CPEB2: variants seen among roughly 807,000 people sequenced by gnomAD.
CPEB2 encodes cytoplasmic polyadenylation element binding protein 2.
Under a neutral mutation model 93.6 loss-of-function variants are expected in CPEB2, and 56 were observed. That is an observed-to-expected ratio of 0.60 (90% CI 0.48 to 0.75). The LOEUF is 0.75. CPEB2 is among the 30% of genes least tolerant of loss of function. The pLI is 0.00. For synonymous variants in CPEB2, 764 were observed against 586.3 expected (o/e 1.30, Z -4.38); for missense variants, 1,579 against 1,395.1 (o/e 1.13, Z -2.10).
At chr4:15,022,683 A>G (rs1724946896) in intron 4 of CPEB2, among the ~76,000 whole-genome samples, 1 of 152,106 alleles carries the variant, frequency 6.6e-6, no homozygotes, top group Non-Finnish European at 1.5e-5. Context: ...TATAGCAGCC[A>G]TATGTATTTT....
At chr4:15,005,265 A>G (rs961125925) in intron 1 of CPEB2, 1 of 152,246 alleles carries the variant, frequency 6.6e-6, no homozygotes, top group Non-Finnish European at 1.5e-5. Context: ...GTGGGTTTTA[A>G]GACAAAACTG....
intron 10 of CPEB2, 128 bp from the exon 11 acceptor site, chr4:15,061,951 T>G (rs2109106473): frequency 1.2e-6 from 1 of 848,280 alleles, no homozygotes; most frequent in South Asian, 2.1e-5. Flanking sequence ...CAACAGCCTC[T>G]TATCTGCCAT....
intron 10 of CPEB2, among the ~76,000 whole-genome samples, chr4:15,061,214 A>G (rs1729161099): frequency 6.6e-6 from 1 of 152,118 alleles, no homozygotes; most frequent in South Asian, 2.1e-4. Context: ...TTAAAAACAT[A>G]TAGATGGTGT....
Position 15,003,241 on chromosome 4 carries a change from C to T in CPEB2, c.568C>T (p.Pro190Ser), listed in dbSNP as rs1470000867. The T allele has an allele frequency of 2.6e-6, 4 of 1,525,764 alleles. No individual in the cohort carries two copies. The highest frequency in any genetic ancestry group is 4.0e-5 in the Admixed American group (2 of 50,270). The allele number at this position is 1,525,764 out of a possible 1,614,324, so 94.5% of individuals were successfully genotyped here. ...KEFSPPHLPH[P>S]PDSKPPPPPP... ...GTTCAGCCCTCCCCACCTTCCCCAC[C>T]CTCCGGACTCGAAGCCGCCGCCGCC... The change falls in exon 1 of 12, where the codon CCT becomes TCT. Residue 190 changes from proline to serine, a missense_variant. Pro to Ser is a moderately conservative substitution (Grantham distance 74). Around this residue, in one of 2 missense-constraint regions of CPEB2, gnomAD observed 1,411 missense variants for 1,056.0 expected, o/e 1.34. Transcript: ENST00000538197.
intron 1 of CPEB2, 105 bp from the exon 2 acceptor site, chr4:15,007,200 C>T (rs1421594828): frequency 3.2e-6 from 3 of 940,760 alleles, no homozygotes; most frequent in Non-Finnish European, 3.0e-6. Flanking sequence ...ATTCTTTTGC[C>T]TTTATATATT....
intron 11 of CPEB2, among the ~76,000 whole-genome samples, chr4:15,065,734 G>C (rs776566406): frequency 1.4e-4 from 21 of 152,074 alleles, no homozygotes; most frequent in Non-Finnish European, 1.8e-4. Flanking sequence ...TTTCCAAGCA[G>C]AGTGTGACTC....
chr4:15,037,373 T>G lies in CPEB2; in HGVS notation c.2177-3091T>G, dbSNP rs527316820. The stretch of plus-strand genomic sequence containing the variant: ...CTCCTTAGTTTTGGCTTTTTCACAT[T>G]GAAAAAAATAAAAATGTCTTTAGTT... On this transcript the variant is annotated intron_variant, in intron 5 of 11. Coordinates refer to ENST00000538197, the MANE Select transcript of CPEB2 (RefSeq NM_001177382.2). Among the ~76,000 whole-genome samples the G allele has an allele frequency of 3.3e-5, 5 of 152,264 alleles. No homozygotes were observed. In the South Asian group the frequency reaches 1.0e-3, roughly 32 times the overall value.
chr4:15,026,232 G>A (rs1343310070), intron 4 of CPEB2, among the ~76,000 whole-genome samples: 1 of 144,792 alleles, frequency 6.9e-6, no homozygotes, highest in South Asian at 2.2e-4. Context: ...TTTTGTTTTT[G>A]TTTTTGTTTT....
chr4:15,006,994 A>G (rs1209443959), intron 1 of CPEB2, among the ~76,000 whole-genome samples: 2 of 152,092 alleles, frequency 1.3e-5, no homozygotes, highest in Non-Finnish European at 2.9e-5. Flanking sequence ...GTTAATTTCA[A>G]TTTTTTTCTT....
At chr4:15,064,136 G>T (rs1474814623) in intron 11 of CPEB2, among the ~76,000 whole-genome samples, 1 of 152,020 alleles carries the variant, frequency 6.6e-6, no homozygotes, top group Non-Finnish European at 1.5e-5. Context: ...GGATACTGTG[G>T]TTTAGTTCCT....
chr4:15,061,142 G>A (rs1729154227), intron 10 of CPEB2, among the ~76,000 whole-genome samples: 1 of 152,118 alleles, frequency 6.6e-6, no homozygotes, highest in South Asian at 2.1e-4. Flanking sequence ...CCAGTAGACA[G>A]TTGCATGTAC....
intron 4 of CPEB2, 27 bp downstream of exon 4, chr4:15,017,305 GT>G (rs1724282220): frequency 8.2e-7 from 1 of 1,218,302 alleles, no homozygotes; most frequent in African/African-American, 1.5e-5. Context: ...AAAAATATAT[GT>G]TTATATTATA....
At position 15,040,486 on chromosome 4, in the gene CPEB2, A is replaced by G; in HGVS notation, c.2199A>G (p.Arg733=). The G allele has an allele frequency of 6.5e-7, 1 of 1,536,386 alleles. No individual in the cohort carries two copies. The highest frequency in any genetic ancestry group is 8.7e-7 in the Non-Finnish European group (1 of 1,146,862). Residue 733 remains arginine (R), a splice_region_variant and synonymous_variant, in exon 6 of 12, where the codon CGA becomes CGG. Coordinates refer to ENST00000538197, the MANE Select transcript of CPEB2 (RefSeq NM_001177382.2). Reference sequence around the variant, plus strand: ...CAGCAAGGAGTTATGGGCGAAGACGAGGTAATTCATTTCTGTTTGCTATGG... The same window carrying G: ...CAGCAAGGAGTTATGGGCGAAGACGGGGTAATTCATTTCTGTTTGCTATGG... ...MLNARSYGRR[R]GRSSLFPIDD...
chr4:15,004,386 GGGGGACGGAGGCGGGGGCAGGGCAGCC>G (rs1722495856), intron 1 of CPEB2, 51 bp downstream of exon 1: 3 of 1,316,006 alleles, frequency 2.3e-6, no homozygotes, highest in Non-Finnish European at 3.0e-6. Context: ...GACCATGGGC[GGGGGACGGAGGCGGGGGCAGGGCAGCC>G]GGGGACCCGA....
intron 10 of CPEB2, 43 bp downstream of exon 10, chr4:15,059,344 A>G: frequency 1.6e-6 from 2 of 1,243,890 alleles, no homozygotes; most frequent in East Asian, 2.3e-5. Flanking sequence ...AATCATTTAA[A>G]TATGTCCTAG....
At chr4:15,007,777 AAC>A (rs1199268070) in intron 2 of CPEB2, among the ~76,000 whole-genome samples, 191 bp downstream of exon 2, 2 of 152,234 alleles carry the variant, frequency 1.3e-5, no homozygotes, top group Non-Finnish European at 2.9e-5. Flanking sequence ...TAATTCTCTA[AAC>A]ACGCAATGGA....
chr4:15,038,581 T>G (rs1363901804), intron 5 of CPEB2, among the ~76,000 whole-genome samples: 1 of 150,096 alleles, frequency 6.7e-6, no homozygotes, highest in Admixed American at 6.6e-5. Context: ...TTCTGTAGTC[T>G]ATTCTTTTTT....
At position 15,007,328 on chromosome 4, in the gene CPEB2, G is replaced by T; in HGVS notation, c.1686G>T (p.Trp562Cys). Residue 562 changes from tryptophan to cysteine, a missense_variant, in exon 2 of 12, where the codon TGG becomes TGT. Trp to Cys is a radical substitution (Grantham distance 215, BLOSUM62 -2). Transcript: ENST00000538197. ...AGCCTCTTCTGAAACAGTCTCCCTGGAGCAACCATCAGAGCAGTGGCTGGG... is the reference window on the plus strand; with the variant it reads ...AGCCTCTTCTGAAACAGTCTCCCTGTAGCAACCATCAGAGCAGTGGCTGGG... ...HHQPLLKQSP[W>C]SNHQSSGWGT... The T allele has an allele frequency of 6.5e-7, 1 of 1,544,456 alleles. No homozygotes were observed. The highest frequency in any genetic ancestry group is 2.3e-5 in the East Asian group (1 of 42,628).
chr4:15,008,494 A>G, intron 3 of CPEB2, 67 bp downstream of exon 3: 2 of 1,008,830 alleles, frequency 2.0e-6, no homozygotes, highest in Non-Finnish European at 3.0e-6. Flanking sequence ...TATGAGTAGG[A>G]TTTATTATTT....
Sources: allele counts gnomAD v4.1 joint callset (sites outside exome capture counted in the v4.1 genomes callset), GRCh38; gene constraint gnomAD v4.1.1; regional missense constraint gnomAD v4.1.1; transcripts MANE v1.5; gene names NCBI Gene and HGNC (gene_info 2026-07-23, HGNC 2026-07-21).